DOP1B: variants seen among roughly 807,000 people sequenced by gnomAD.
DOP1B encodes the protein DOP1 leucine zipper like protein B.
Under a neutral mutation model 233.5 loss-of-function variants are expected in DOP1B, and 174 were observed. That is an observed-to-expected ratio of 0.75 (90% CI 0.66 to 0.85). The LOEUF (loss-of-function observed/expected upper bound fraction) is 0.85, where lower values mean the gene tolerates loss of function less well. DOP1B is among the 40% of genes least tolerant of loss of function. DOP1B has a pLI of 0.00. For missense variants in DOP1B, 2,652 were observed against 2,846.6 expected (o/e 0.93, Z 1.56); for synonymous variants, 1,190 against 1,185.6 (o/e 1.00, Z -0.08).
At chr21:36,193,213 G>A (rs1354088335) in intron 2 of DOP1B, among the ~76,000 whole-genome samples, 1 of 152,174 alleles carries the variant, frequency 6.6e-6, no homozygotes, top group Admixed American at 6.5e-5. Context: ...CGAGAGAAAA[G>A]CATGCAAATT....
At position 36,200,514 on chromosome 21, in the gene DOP1B, C is replaced by G; in HGVS notation, c.491+13C>G. ...AGATCTCCGACAGGTGCGTGGGCGT[C>G]TTGTCCAGGCTGTGTTTACTCCACT... On this transcript the variant is annotated intron_variant, in intron 4 of 36. Transcript: ENST00000691173. The G allele has an allele frequency of 6.3e-7, 1 of 1,591,588 alleles. No individual in the cohort carries two copies. The highest frequency in any genetic ancestry group is 8.5e-7 in the Non-Finnish European group (1 of 1,171,290).
chr21:36,257,884 TAGG>T (rs2067124252), intron 23 of DOP1B, among the ~76,000 whole-genome samples: 1 of 149,838 alleles, frequency 6.7e-6, no homozygotes, highest in African/African-American at 2.5e-5. Flanking sequence ...TAGATGTAGT[TAGG>T]TAGGTAGGTA....
intron 15 of DOP1B, among the ~76,000 whole-genome samples, chr21:36,234,148 G>A (rs148080379): frequency 4.9e-4 from 74 of 152,160 alleles, no homozygotes; most frequent in African/African-American, 1.6e-3. Flanking sequence ...GTGAGCCACC[G>A]TGCCCAGCTG....
intron 26 of DOP1B, among the ~76,000 whole-genome samples, chr21:36,267,778 C>T (rs891239789): frequency 6.6e-6 from 1 of 152,006 alleles, no homozygotes; most frequent in Non-Finnish European, 1.5e-5. Flanking sequence ...TACAGCTGGG[C>T]CACCAGGGGT....
intron 9 of DOP1B, 90 bp downstream of exon 9, chr21:36,214,646 T>C: frequency 9.3e-7 from 1 of 1,076,176 alleles, no homozygotes; most frequent in Non-Finnish European, 1.4e-6. Context: ...AACCAAAGCG[T>C]TATTTTGAAT....
chr21:36,200,241 T>C (rs993676645), intron 3 of DOP1B, 90 bp from the exon 4 acceptor site: 1 of 1,472,910 alleles, frequency 6.8e-7, no homozygotes. Flanking sequence ...AGCTGTTTGC[T>C]TGTGAAAACT....
intron 7 of DOP1B, among the ~76,000 whole-genome samples, chr21:36,212,532 C>G (rs1398095837): frequency 6.6e-6 from 1 of 152,160 alleles, no homozygotes; most frequent in African/African-American, 2.4e-5. Flanking sequence ...ATTTGGATAA[C>G]TTTGGAGATC....
rs772696527 is a variant in DOP1B at position 36,289,169 on chromosome 21, C to CTT, written c.6480_6481dup (p.Ser2161PhefsTer33). The stretch of plus-strand genomic sequence containing the variant: ...AGCTTGCAAATTCTTGGACACAGCG[C>CTT]TTTCTTTTCCACCTGACAAGATGCC... On this transcript the variant is annotated frameshift_variant, in exon 35 of 37. Coordinates refer to ENST00000691173, the MANE Select transcript of DOP1B (RefSeq NM_001320714.2). LOFTEE classifies it high-confidence loss of function. 1 of 1,614,002 alleles carries CTT rather than the reference C, an allele frequency of 6.2e-7. No homozygotes were observed. The highest frequency in any genetic ancestry group is 8.5e-7 in the Non-Finnish European group (1 of 1,180,012).
At chr21:36,158,136 G>A (rs2065836941) in intron 1 of DOP1B, among the ~76,000 whole-genome samples, 1 of 152,088 alleles carries the variant, frequency 6.6e-6, no homozygotes, top group South Asian at 2.1e-4. Context: ...AATGGGTAAA[G>A]AGAGAGATTT....
At chr21:36,252,506 A>C (rs1569052825) in intron 22 of DOP1B, among the ~76,000 whole-genome samples, 1 of 151,886 alleles carries the variant, frequency 6.6e-6, no homozygotes, top group East Asian at 1.9e-4. Context: ...TAATAAAGAA[A>C]ATTGAAATCA....
At chr21:36,214,421 G>A in intron 8 of DOP1B, 21 bp from the exon 9 acceptor site, 1 of 1,599,948 alleles carries the variant, frequency 6.3e-7, no homozygotes. Flanking sequence ...ATTCTAATAT[G>A]TGGCTTTTTT....
rs2066346694 is a variant in DOP1B, at chr21:36,200,345, C to T, written c.335C>T (p.Pro112Leu). 1 of 1,598,978 alleles carries T rather than the reference C, an allele frequency of 6.3e-7. No individual in the cohort carries two copies. Residue 112 changes from proline (P) to leucine (L), a missense_variant, in exon 4 of 37, where the codon CCT becomes CTT. Pro to Leu is a moderately conservative substitution (Grantham distance 98). Coordinates refer to ENST00000691173, the MANE Select transcript of DOP1B (RefSeq NM_001320714.2). Reference protein sequence around the residue: ...DLFLYSCGLFPLLAHAAVSVR... With the variant: ...DLFLYSCGLFLLLAHAAVSVR... ...CTTTCTCGAAGCTGCGGGTTATTTC[C>T]TCTCCTGGCACACGCGGCGGTGTCG...
chr21:36,253,260 T>G (rs959665569), intron 22 of DOP1B, among the ~76,000 whole-genome samples: 3 of 152,238 alleles, frequency 2.0e-5, no homozygotes, highest in Non-Finnish European at 4.4e-5. Flanking sequence ...TTCCTTCAAA[T>G]TTAGTATATT....
rs58401743 is a variant in DOP1B at position 36,246,843 on chromosome 21, ATTATG to A, written c.4697+216_4697+220del. On this transcript the variant is annotated intron_variant, in intron 19 of 36. Coordinates refer to ENST00000691173, the MANE Select transcript of DOP1B (RefSeq NM_001320714.2). This position sits in a 1 kb window ranked among gnomAD's most constrained non-coding sequence, Gnocchi z 5.1. ...AACAAGCAACTAAATGTTCTGATCCATTATGTTATGTTATGTTATGTTATGTTATG... is the reference window on the plus strand; with the variant it reads ...AACAAGCAACTAAATGTTCTGATCCATTATGTTATGTTATGTTATGTTATG... Among the ~76,000 whole-genome samples the A allele has an allele frequency of 0.089, 13,110 of 146,870 alleles. 639 individuals are homozygous for A. The highest frequency in any genetic ancestry group is 0.12 in the South Asian group (535 of 4,412).
chr21:36,260,262 GGAAGGAAAGAAA>G (rs1216192625), intron 23 of DOP1B, among the ~76,000 whole-genome samples: 2 of 116,764 alleles, frequency 1.7e-5, no homozygotes, highest in African/African-American at 6.8e-5. Context: ...GAGGAAGGAA[GGAAGGAAAGAAA>G]GAAAGAAAGA....
At chr21:36,270,813 C>T (rs2067279704) in intron 27 of DOP1B, among the ~76,000 whole-genome samples, 1 of 149,970 alleles carries the variant, frequency 6.7e-6, no homozygotes, top group Non-Finnish European at 1.5e-5. Context: ...ACATGGGAGG[C>T]TGAGGCAGAG....
chr21:36,253,637 C>CA (rs368750677), intron 22 of DOP1B, 135 bp from the exon 23 acceptor site: 78,256 of 787,556 alleles, frequency 0.099, 205 homozygotes, highest in Non-Finnish European at 0.1. Context: ...GACCGTGTTT[C>CA]AAAAAAAAAA....
chr21:36,247,387 A>G (rs992264433), intron 19 of DOP1B, 130 bp from the exon 20 acceptor site: 3 of 489,238 alleles, frequency 6.1e-6, no homozygotes, highest in Middle Eastern at 2.9e-4. Flanking sequence ...ATGATATTCT[A>G]TGACGAGAGC....
At chr21:36,166,805 C>T (rs557457924) in intron 2 of DOP1B, among the ~76,000 whole-genome samples, 43 of 152,324 alleles carry the variant, frequency 2.8e-4, no homozygotes, top group African/African-American at 9.9e-4. Flanking sequence ...CCCTCCAGCC[C>T]TGACAGATGG....
Sources: gnomAD v4.1 joint callset for allele counts (sites outside exome capture counted in the v4.1 genomes callset) on GRCh38, gnomAD v4.1.1 for gene constraint, Gnocchi (gnomAD v3.1) non-coding constraint, MANE v1.5 for transcripts, NCBI Gene and HGNC (gene_info 2026-07-23, HGNC 2026-07-21) for gene names.